The following GPC5 variants were observed in gnomAD, a reference collection of about 807,000 sequenced individuals.
The protein encoded by GPC5 is glypican 5.
A neutral mutation model predicts 53.9 loss-of-function variants in GPC5; 47 were observed. That is an observed-to-expected ratio of 0.87 (90% CI 0.69 to 1.11). The LOEUF (loss-of-function observed/expected upper bound fraction) is 1.11, where lower values mean the gene tolerates loss of function less well. GPC5 is among the 50% of genes most tolerant of loss of function. The pLI, the probability that GPC5 is intolerant of heterozygous loss-of-function variation, is 0.00. For synonymous variants in GPC5, 286 were observed against 263.3 expected, an observed-to-expected ratio of 1.09 and a Z score of -0.84; for missense variants, 748 against 713.1, an observed-to-expected ratio of 1.05 and a Z score of -0.56.
At chr13:91,452,106 T>A (rs1322248318) in intron 2 of GPC5, among the ~76,000 whole-genome samples, 1 of 152,090 alleles carries the variant, frequency 6.6e-6, no homozygotes, top group Admixed American at 6.6e-5. Flanking sequence ...TACTACAGCC[T>A]CCCGAGTAGC....
chr13:91,429,889 C>T (rs1347027286), intron 1 of GPC5, among the ~76,000 whole-genome samples: 1 of 152,092 alleles, frequency 6.6e-6, no homozygotes, highest in African/African-American at 2.4e-5. Flanking sequence ...TTTAGAAACA[C>T]TATGTGAGGA....
chr13:91,681,633 G>C (rs888753548), intron 2 of GPC5, among the ~76,000 whole-genome samples: 1 of 151,620 alleles, frequency 6.6e-6, no homozygotes, highest in African/African-American at 2.4e-5. Flanking sequence ...GGAAAGAGTG[G>C]TAGAAGAGCA....
chr13:91,959,480 T>C (rs959722878), intron 6 of GPC5, among the ~76,000 whole-genome samples: 2 of 151,920 alleles, frequency 1.3e-5, no homozygotes, highest in Admixed American at 6.6e-5. Context: ...GAAGAACTAA[T>C]ACTAGTTCTC....
chr13:92,299,540 A>G (rs1016997887), intron 7 of GPC5, among the ~76,000 whole-genome samples: 2 of 152,238 alleles, frequency 1.3e-5, no homozygotes, highest in African/African-American at 4.8e-5. Flanking sequence ...TCATACTAGT[A>G]ACATATTTCT....
At chr13:91,477,248 T>C (rs1295065244) in intron 2 of GPC5, among the ~76,000 whole-genome samples, 3 of 152,210 alleles carry the variant, frequency 2.0e-5, no homozygotes, top group African/African-American at 7.2e-5. Flanking sequence ...GGCCCTGGAC[T>C]ATAGCAGTGG....
intron 5 of GPC5, among the ~76,000 whole-genome samples, chr13:91,767,376 G>A (rs1042391242): frequency 3.3e-5 from 5 of 152,202 alleles, no homozygotes; most frequent in African/African-American, 9.6e-5. Context: ...CAAAGATAAA[G>A]CACTATAGAG....
rs34336057 is a variant in GPC5, at chr13:92,632,463, CATATATATAT to C, written c.1562-233805_1562-233796del. Among the ~76,000 whole-genome samples, 6 of 120,116 alleles carry C rather than the reference CATATATATAT, an allele frequency of 5.0e-5. No individual in the cohort carries two copies. In the East Asian group the frequency reaches 1.6e-3, roughly 31 times the overall value. 78.8% of individuals were successfully genotyped at this position (120,116 alleles called of 152,430 possible). A position where few individuals can be genotyped will look rare whatever the true frequency, so the allele number is the denominator to read the frequency against. ...TTCTTTTGGAGGAGAAAATATTCCA[CATATATATAT>C]ATATATATATATACACATATATATA... On this transcript the variant is annotated intron_variant, in intron 7 of 7. Coordinates refer to ENST00000377067, the MANE Select transcript of GPC5 (RefSeq NM_004466.6).
At chr13:91,788,422 A>C (rs1457144597) in intron 5 of GPC5, among the ~76,000 whole-genome samples, 2 of 152,218 alleles carry the variant, frequency 1.3e-5, no homozygotes, top group Non-Finnish European at 2.9e-5. Flanking sequence ...GGGGAGACAT[A>C]AACATTCAAT....
chr13:92,569,050 T>C lies in GPC5; in HGVS notation c.1562-297232T>C, dbSNP rs12862878. Among the ~76,000 whole-genome samples, 9 of 149,110 alleles carry C rather than the reference T, an allele frequency of 6.0e-5. No individual in the cohort carries two copies. In the South Asian group the frequency reaches 2.0e-3, roughly 33 times the overall value. On this transcript the variant is annotated intron_variant, in intron 7 of 7. Coordinates refer to ENST00000377067, the MANE Select transcript of GPC5 (RefSeq NM_004466.6). ...CATTAACTCGTCATTTAGCATTAGG[T>C]ATATCTCCTAATGCTATCCCTCCCC...
intron 7 of GPC5, among the ~76,000 whole-genome samples, chr13:92,392,956 G>A (rs1875080958): frequency 6.6e-6 from 1 of 152,210 alleles, no homozygotes; most frequent in Non-Finnish European, 1.5e-5. Context: ...TGATGGGAGT[G>A]TAAATTAGTT....
intron 7 of GPC5, among the ~76,000 whole-genome samples, chr13:92,365,215 C>T (rs774259960): frequency 6.6e-6 from 1 of 151,682 alleles, no homozygotes; most frequent in Non-Finnish European, 1.5e-5. Context: ...TCCTATGTTA[C>T]AAACCTGCAT....
chr13:92,520,580 GC>G lies in GPC5; in HGVS notation c.1562-345699del, dbSNP rs1484113105. On this transcript the variant is annotated intron_variant, in intron 7 of 7. Transcript: ENST00000377067. Reference sequence around the variant, plus strand: ...AAAAGGCCTTTGACAAAATTCAACAGCCCTTCATGCTAAAAACTCTCAATAA... The same window carrying G: ...AAAAGGCCTTTGACAAAATTCAACAGCCTTCATGCTAAAAACTCTCAATAA... 5.3e-5 allele frequency among the ~76,000 whole-genome samples: 8 copies of G among 151,914 alleles called. No individual in the cohort carries two copies. The South Asian group carries it at 6.2e-4, about 12-fold the overall frequency.
chr13:92,187,298 T>C (rs2042191241), intron 7 of GPC5, among the ~76,000 whole-genome samples: 1 of 152,194 alleles, frequency 6.6e-6, no homozygotes, highest in South Asian at 2.1e-4. Flanking sequence ...TAGTACATTT[T>C]CTAAAACAAA....
chr13:92,856,189 G>C (rs1296961995), intron 7 of GPC5, among the ~76,000 whole-genome samples: 1 of 152,012 alleles, frequency 6.6e-6, no homozygotes, highest in African/African-American at 2.4e-5. Flanking sequence ...TGGGATGCAA[G>C]GTTGGGTCAA....
intron 7 of GPC5, among the ~76,000 whole-genome samples, chr13:92,316,827 T>C (rs1318798521): frequency 1.3e-5 from 2 of 152,156 alleles, no homozygotes; most frequent in East Asian, 3.9e-4. Flanking sequence ...ATTTCTTTTA[T>C]GTTTTTTGTT....
intron 5 of GPC5, among the ~76,000 whole-genome samples, chr13:91,830,953 A>ATATATATCCTATTATATAT (rs1328447322): frequency 5.2e-5 from 7 of 135,454 alleles, no homozygotes; most frequent in African/African-American, 1.1e-4. Flanking sequence ...ATTATATATG[A>ATATATATCCTATTATATAT]TATATATCCT....
chr13:91,967,885 T>TGCA (rs2040196123), intron 6 of GPC5, among the ~76,000 whole-genome samples: 1 of 152,126 alleles, frequency 6.6e-6, no homozygotes, highest in East Asian at 1.9e-4. Context: ...ATTTTTAATT[T>TGCA]TTATTGTTTT....
intron 2 of GPC5, among the ~76,000 whole-genome samples, chr13:91,655,314 T>G (rs914890093): frequency 2.6e-5 from 4 of 152,120 alleles, no homozygotes; most frequent in African/African-American, 9.7e-5. Flanking sequence ...TGTACACATA[T>G]GTATGTATAC....
intron 2 of GPC5, among the ~76,000 whole-genome samples, chr13:91,569,816 C>T (rs908547649): frequency 2.6e-5 from 4 of 152,124 alleles, no homozygotes; most frequent in Non-Finnish European, 5.9e-5. Flanking sequence ...TGTGAGGACA[C>T]CTTGACAGTG....
Sources: allele counts gnomAD v4.1 joint callset (sites outside exome capture counted in the v4.1 genomes callset), GRCh38; gene constraint gnomAD v4.1.1; transcripts MANE v1.5; gene names NCBI Gene and HGNC (gene_info 2026-07-23, HGNC 2026-07-21).